The following EPC2 variants were observed in gnomAD, a reference collection of about 807,000 sequenced individuals.
The protein encoded by EPC2 is enhancer of polycomb 2.
A neutral mutation model predicts 92.1 loss-of-function variants in EPC2; 14 were observed. That is an observed-to-expected ratio of 0.15 (90% CI 0.10 to 0.24). The LOEUF (loss-of-function observed/expected upper bound fraction) is 0.24. Ranked by LOEUF, EPC2 falls within the 10% of genes least tolerant of loss-of-function variation. EPC2 has a pLI of 1.00. For missense variants in EPC2, 755 were observed against 971.5 expected (o/e 0.78, Z 2.96); for synonymous variants, 340 against 334.7 (o/e 1.02, Z -0.17).
At chr2:148,671,636 A>G (rs1028881990) in intron 1 of EPC2, among the ~76,000 whole-genome samples, 1 of 152,016 alleles carries the variant, frequency 6.6e-6, no homozygotes, top group Non-Finnish European at 1.5e-5. Flanking sequence ...CATCTTTTCT[A>G]TGGTCATATT....
intron 1 of EPC2, among the ~76,000 whole-genome samples, chr2:148,676,777 GCTCTCTCTCTCTCT>G (rs10559609): frequency 6.9e-6 from 1 of 144,762 alleles, no homozygotes; most frequent in East Asian, 2.0e-4. Flanking sequence ...ACATTTAGGT[GCTCTCTCTCTCTCT>G]CTCTCTCTCT....
At chr2:148,726,765 G>GTTTTTTTTTTTTTTTTGTTTTTTGT (rs201293391) in intron 2 of EPC2, among the ~76,000 whole-genome samples, 1 of 100,606 alleles carries the variant, frequency 9.9e-6, no homozygotes, top group Non-Finnish European at 2.0e-5. Context: ...TTTGTTTTTT[G>GTTTTTTTTTTTTTTTTGTTTTTTGT]TTTTTTTTTT....
chr2:148,644,961 C>A lies in EPC2; in HGVS notation c.-57C>A, dbSNP rs1275193752. 12 of 1,447,102 alleles carry A rather than the reference C, an allele frequency of 8.3e-6. No individual in the cohort carries two copies. Among genetic ancestry groups the A allele is most frequent in the South Asian group, 2.5e-5 (2 of 81,438 alleles). The allele number at this position is 1,447,102 out of a possible 1,614,324, so 89.6% of individuals were successfully genotyped here. A position where few individuals can be genotyped will look rare whatever the true frequency, so the allele number is the denominator to read the frequency against. On this transcript the variant is annotated 5_prime_UTR_variant, in exon 1 of 14. Transcript: ENST00000258484. ...GGAGGAGGCGGCGGGAGTCCTCCCC[C>A]CCTCCCCGCCCGCCCCGCCGCCGCC...
chr2:148,650,368 T>C (rs546947051), intron 1 of EPC2, among the ~76,000 whole-genome samples: 1 of 152,300 alleles, frequency 6.6e-6, no homozygotes, highest in South Asian at 2.1e-4. Flanking sequence ...GTACTATGTA[T>C]ATCTAAATAT....
chr2:148,720,799 G>A (rs887763088), intron 2 of EPC2, among the ~76,000 whole-genome samples: 4 of 152,106 alleles, frequency 2.6e-5, no homozygotes, highest in African/African-American at 9.7e-5. Flanking sequence ...CTCATTCCCC[G>A]TGGGTCGAGC....
intron 13 of EPC2, among the ~76,000 whole-genome samples, 200 bp downstream of exon 13, chr2:148,785,201 G>A (rs968164634): frequency 1.3e-5 from 2 of 152,096 alleles, no homozygotes; most frequent in African/African-American, 4.8e-5. Flanking sequence ...TGCCAACCTA[G>A]TAGGATTGTT....
At position 148,771,329 on chromosome 2, in the gene EPC2, T is replaced by A. The variant is rs1475371714; in HGVS notation, c.1662T>A (p.Asn554Lys). The A allele has an allele frequency of 6.2e-7, 1 of 1,612,206 alleles. No individual in the cohort carries two copies. Among genetic ancestry groups the A allele is most frequent in the East Asian group, 2.2e-5 (1 of 44,870 alleles). ...TSRKPGQTVN[N>K]KRVSAASVAL... ...GAAAACCAGGGCAGACTGTGAACAA[T>A]AAAAGAGTTTCTGCAGCATCTGTAG... is the stretch of plus-strand genomic sequence containing the variant. Residue 554 changes from asparagine to lysine, a missense_variant, in exon 10 of 14, where the codon AAT becomes AAA. Physicochemically the swap from Asn to Lys is moderately conservative, Grantham distance 94. Coordinates refer to ENST00000258484, the MANE Select transcript of EPC2 (RefSeq NM_015630.4).
chr2:148,676,591 C>T (rs1295211841), intron 1 of EPC2, among the ~76,000 whole-genome samples: 1 of 151,854 alleles, frequency 6.6e-6, no homozygotes, highest in African/African-American at 2.4e-5. Context: ...CCTTTCTCTA[C>T]ATATATATGT....
intron 1 of EPC2, among the ~76,000 whole-genome samples, chr2:148,688,625 TTC>T (rs1681578678): frequency 6.6e-6 from 1 of 152,216 alleles, no homozygotes; most frequent in Non-Finnish European, 1.5e-5. Context: ...TGAATTGTGT[TTC>T]TGTTTTGTTA....
intron 1 of EPC2, among the ~76,000 whole-genome samples, chr2:148,686,973 C>A (rs544570620): frequency 6.6e-6 from 1 of 152,168 alleles, no homozygotes; most frequent in Non-Finnish European, 1.5e-5. Context: ...TGAAACCAGG[C>A]GTTGACGTTT....
chr2:148,770,547 C>T (rs920169957), intron 8 of EPC2, among the ~76,000 whole-genome samples: 1 of 151,742 alleles, frequency 6.6e-6, no homozygotes, highest in Non-Finnish European at 1.5e-5. Context: ...TATAATAGAC[C>T]CTAAATGAAT....
intron 1 of EPC2, among the ~76,000 whole-genome samples, chr2:148,651,068 T>C (rs1055542445): frequency 1.3e-5 from 2 of 152,112 alleles, no homozygotes; most frequent in Non-Finnish European, 2.9e-5. Context: ...GAAAGTTAAA[T>C]GTTAGTGTAG....
chr2:148,661,189 T>G (rs1680925504), intron 1 of EPC2, among the ~76,000 whole-genome samples: 2 of 152,146 alleles, frequency 1.3e-5, no homozygotes, highest in African/African-American at 2.4e-5. Context: ...GACTTCCTGT[T>G]TTGGAATGTG....
chr2:148,782,327 A>G (rs528858956), intron 11 of EPC2, among the ~76,000 whole-genome samples: 9 of 152,270 alleles, frequency 5.9e-5, no homozygotes, highest in East Asian at 1.9e-4. Context: ...ACTTGGGGTC[A>G]GGAGTTCAAG....
chr2:148,776,957 C>T (rs976989802), intron 10 of EPC2, among the ~76,000 whole-genome samples: 5 of 148,896 alleles, frequency 3.4e-5, no homozygotes, highest in African/African-American at 4.9e-5. Context: ...ACCTCCCAGG[C>T]GAAGCAATTT....
At chr2:148,696,641 C>T (rs768338062) in intron 2 of EPC2, among the ~76,000 whole-genome samples, 22 of 152,138 alleles carry the variant, frequency 1.4e-4, no homozygotes, top group Non-Finnish European at 3.2e-4. Flanking sequence ...CATTTTGAAC[C>T]CTCCTATGGG....
chr2:148,652,477 A>G (rs1429693294), intron 1 of EPC2, among the ~76,000 whole-genome samples: 2 of 152,186 alleles, frequency 1.3e-5, no homozygotes, highest in African/African-American at 4.8e-5. Flanking sequence ...ATTAATTTTC[A>G]AAGTTGTAAG....
intron 4 of EPC2, 113 bp from the exon 5 acceptor site, chr2:148,761,669 T>G: frequency 1.4e-6 from 1 of 695,598 alleles, no homozygotes; most frequent in Non-Finnish European, 2.2e-6. Context: ...TCAGATTTTT[T>G]TTAACATTTT....
chr2:148,668,902 T>G (rs1681103390), intron 1 of EPC2, among the ~76,000 whole-genome samples: 1 of 152,058 alleles, frequency 6.6e-6, no homozygotes, highest in Non-Finnish European at 1.5e-5. Flanking sequence ...TCTACTATGA[T>G]CTTATTTCCT....
Sources: gnomAD v4.1 joint callset for allele counts (sites outside exome capture counted in the v4.1 genomes callset) on GRCh38, gnomAD v4.1.1 for gene constraint, MANE v1.5 for transcripts, NCBI Gene and HGNC (gene_info 2026-07-23, HGNC 2026-07-21) for gene names.